Variants in CTRB2 observed in about 807,000 individuals in gnomAD.
CTRB2 encodes the protein chymotrypsin B2.
Under a neutral mutation model 19.3 loss-of-function variants are expected in CTRB2, and 9 were observed. That is an observed-to-expected ratio of 0.47 (90% CI 0.28 to 0.81). The LOEUF (loss-of-function observed/expected upper bound fraction) is 0.81. Ranked by LOEUF, CTRB2 falls within the 40% of genes least tolerant of loss-of-function variation. The pLI is 0.11. For missense variants in CTRB2, 210 were observed against 269.7 expected (o/e 0.78, Z 1.55); for synonymous variants, 98 against 117.3 (o/e 0.84, Z 1.06).
At position 75,206,209 on chromosome 16, in the gene CTRB2, G is replaced by A; in HGVS notation, c.53-16C>T. ...ACCCCGCAGCCTGGGGGCGGGAGTG[G>A]GCTGAGGGGTGGGTACCACCCACCC... On this transcript the variant is annotated splice_polypyrimidine_tract_variant and intron_variant, in intron 1 of 6. Transcript: ENST00000303037. The A allele has an allele frequency of 1.4e-5, 21 of 1,554,138 alleles. No homozygotes were observed. Among genetic ancestry groups the A allele is most frequent in the Non-Finnish European group, 1.8e-5 (21 of 1,148,154 alleles).
intron 1 of CTRB2, chr16:75,206,743 AACC>A (rs911199717): frequency 1.3e-5 from 5 of 394,386 alleles, no homozygotes; most frequent in Non-Finnish European, 2.4e-5. Context: ...TCACCACCCA[AACC>A]TGTGCTGGGG....
intron 6 of CTRB2, 115 bp from the exon 7 acceptor site, chr16:75,204,437 G>T: frequency 9.5e-7 from 1 of 1,054,442 alleles, no homozygotes; most frequent in Non-Finnish European, 1.4e-6. Context: ...TGGGCATAGG[G>T]GCTGTGCCGG....
chr16:75,206,801 C>T (rs561261888), intron 1 of CTRB2: 7 of 467,644 alleles, frequency 1.5e-5, no homozygotes, highest in Admixed American at 3.4e-5. Flanking sequence ...GGGCAGCCCC[C>T]GGACACCTGC....
chr16:75,204,469 A>G (rs1274150267), intron 6 of CTRB2, 147 bp from the exon 7 acceptor site: 4 of 937,656 alleles, frequency 4.3e-6, no homozygotes, highest in African/African-American at 3.3e-5. Flanking sequence ...CTGGGTTCAC[A>G]TGGCAGCCCC....
intron 6 of CTRB2, 60 bp from the exon 7 acceptor site, chr16:75,204,382 C>T (rs1234843956): frequency 1.9e-5 from 29 of 1,541,898 alleles, no homozygotes; most frequent in Non-Finnish European, 2.5e-5. Flanking sequence ...CTAGGGGACC[C>T]TGACCTGGTG....
At chr16:75,204,449 G>T (rs1567561453) in intron 6 of CTRB2, 127 bp from the exon 7 acceptor site, 1 of 1,011,722 alleles carries the variant, frequency 9.9e-7, no homozygotes, top group Non-Finnish European at 1.4e-6. Context: ...CTGTGCCGGG[G>T]TCCTGAGATC....
rs1046091092 is a variant in CTRB2 at position 75,204,481 on chromosome 16, A to C, written c.631-159T>G. Among the ~76,000 whole-genome samples, 3 of 151,744 alleles carry C rather than the reference A, an allele frequency of 2.0e-5. No individual in the cohort carries two copies. In the South Asian group the frequency reaches 6.3e-4, roughly 32 times the overall value. On this transcript the variant is annotated intron_variant, in intron 6 of 6. Transcript: ENST00000303037. The stretch of plus-strand genomic sequence containing the variant: ...GATCTGGGTTCACATGGCAGCCCCC[A>C]CTCTGCCATGCACTCTTGGAGGGAG...
chr16:75,206,246 C>T (rs2038890479), intron 1 of CTRB2, 53 bp from the exon 2 acceptor site: 42 of 1,499,618 alleles, frequency 2.8e-5, no homozygotes, highest in Non-Finnish European at 3.7e-5. Flanking sequence ...GGTCCTAATG[C>T]TCCAGCCTCC....
In CTRB2 at chr16:75,207,035, G is replaced by C. The variant is rs576980034; in HGVS notation, c.52+55C>G. 285 of 1,509,244 alleles carry C rather than the reference G, an allele frequency of 1.9e-4. 6 individuals are homozygous for C. In the South Asian group the frequency reaches 3.2e-3, roughly 17 times the overall value. 93.5% of individuals were successfully genotyped at this position (1,509,244 alleles called of 1,614,324 possible). ...GACCCTGCTGCCTCTTGCTGGCCTC[G>C]GGGCTGGGAGTGAGAGGAGAAAACC... On this transcript the variant is annotated intron_variant, in intron 1 of 6. Transcript: ENST00000303037.
rs375855808 is a variant in CTRB2, at chr16:75,206,946, G to A, written c.52+144C>T. 8.5e-4 allele frequency: 672 copies of A among 789,356 alleles called. 3 individuals are homozygous for A. Among genetic ancestry groups the A allele is most frequent in the Non-Finnish European group, 1.1e-3 (520 of 473,788 alleles). 48.9% of individuals were successfully genotyped at this position (789,356 alleles called of 1,614,324 possible). ...AGGCATTGACCTCTCAGCGCCCACG[G>A]CAGAGATGGAGCCGGTGACTCGCCC... On this transcript the variant is annotated intron_variant, in intron 1 of 6. Coordinates refer to ENST00000303037, the MANE Select transcript of CTRB2 (RefSeq NM_001025200.4).
At position 75,204,335 on chromosome 16, in the gene CTRB2, G is replaced by T. The variant is rs371932307; in HGVS notation, c.631-13C>A. 89 of 1,613,442 alleles carry T rather than the reference G, an allele frequency of 5.5e-5. 1 individual carries two copies. Among genetic ancestry groups the T allele is most frequent in the Non-Finnish European group, 6.4e-5 (76 of 1,179,818 alleles). Reference sequence around the variant, plus strand: ...CTCCAGAGTCACCCTGCAGGAAGGAGAGGAAGTATCTCTAGGCCTGAAAGG... The same window carrying T: ...CTCCAGAGTCACCCTGCAGGAAGGATAGGAAGTATCTCTAGGCCTGAAAGG... On this transcript the variant is annotated splice_polypyrimidine_tract_variant and intron_variant, in intron 6 of 6. Coordinates refer to ENST00000303037, the MANE Select transcript of CTRB2 (RefSeq NM_001025200.4).
At chr16:75,204,344 T>C (rs779258073) in intron 6 of CTRB2, 22 bp from the exon 7 acceptor site, 12 of 1,612,198 alleles carry the variant, frequency 7.4e-6, no homozygotes, top group Non-Finnish European at 1.0e-5. Context: ...AGAGGAAGTA[T>C]CTCTAGGCCT....
intron 1 of CTRB2, chr16:75,206,868 G>A: frequency 1.8e-6 from 1 of 552,080 alleles, no homozygotes; most frequent in Non-Finnish European, 3.3e-6. Context: ...TGAGGAAGGG[G>A]AGCGGGACTC....
Position 75,206,195 on chromosome 16 carries a change from T to G in CTRB2, c.53-2A>C. 6.4e-7 allele frequency: 1 copy of G among 1,558,234 alleles called. No homozygotes were observed. Among genetic ancestry groups the G allele is most frequent in the Non-Finnish European group, 8.7e-7 (1 of 1,150,616 alleles). On this transcript the variant is annotated splice_acceptor_variant, in intron 1 of 6. Transcript: ENST00000303037. LOFTEE classifies it high-confidence loss of function. ...GGTGGATGGCGGGGACCCCGCAGCC[T>G]GGGGGCGGGAGTGGGCTGAGGGGTG...
At chr16:75,206,336 C>T (rs1347385395) in intron 1 of CTRB2, 143 bp from the exon 2 acceptor site, 13 of 826,170 alleles carry the variant, frequency 1.6e-5, no homozygotes, top group South Asian at 3.6e-5. Flanking sequence ...GGCCCTGGCT[C>T]TCCTCTCCGC....
At position 75,204,922 on chromosome 16, in the gene CTRB2, A is replaced by G. The variant is rs1347697918; in HGVS notation, c.497-16T>C. The G allele has an allele frequency of 2.1e-6, 2 of 932,978 alleles. No homozygotes were observed. Among genetic ancestry groups the G allele is most frequent in the Admixed American group, 5.3e-5 (2 of 37,450 alleles). The allele number at this position is 932,978 out of a possible 1,614,324, so 57.8% of individuals were successfully genotyped here. The stretch of plus-strand genomic sequence containing the variant: ...GTCTTGTTGGCTGCAGGACAGGAGG[A>G]GGGTCAGGGCCCCTGGGCTCACTCA... On this transcript the variant is annotated splice_polypyrimidine_tract_variant and intron_variant, in intron 5 of 6. Transcript: ENST00000303037.
Position 75,205,983 on chromosome 16 carries a change from C to G in CTRB2, c.166G>C (p.Gly56Arg). The G allele has an allele frequency of 2.1e-6, 2 of 962,222 alleles. No individual in the cohort carries two copies. The highest frequency in any genetic ancestry group is 3.0e-6 in the Non-Finnish European group (2 of 664,504). The allele number at this position is 962,222 out of a possible 1,614,324, so 59.6% of individuals were successfully genotyped here. A position where few individuals can be genotyped will look rare whatever the true frequency, so the allele number is the denominator to read the frequency against. ...AGGGAGCCCCCGCAGAAGTGGAAGC[C>G]GGTTTTGTCCTGTGAGCAAGATGGG... The part of the protein sequence containing the change: ...PWQVSLQDKT[G>R]FHFCGGSLIS... Residue 56 changes from glycine (G) to arginine (R), a missense_variant, in exon 3 of 7, where the codon GGC (glycine) becomes CGC (arginine). Coordinates refer to ENST00000303037, the MANE Select transcript of CTRB2 (RefSeq NM_001025200.4).
Position 75,204,168 on chromosome 16 carries a change from G to C in CTRB2, c.785C>G (p.Ala262Gly). 1 of 1,614,156 alleles carries C rather than the reference G, an allele frequency of 6.2e-7. No individual in the cohort carries two copies. Among genetic ancestry groups the C allele is most frequent in the Non-Finnish European group, 8.5e-7 (1 of 1,180,016 alleles). Residue 262 changes from alanine (A) to glycine (G), a missense_variant, in exon 7 of 7, where the codon GCC becomes GGC. Transcript: ENST00000303037. ...GTGGCAGGAGCTGCGGGCTCAGTTG[G>C]CGGCCAGGATCTTCTGCACCCAGGG... ...LIPWVQKILA[A>G]N
Position 75,204,266 on chromosome 16 carries a change from G to A in CTRB2, c.687C>T (p.Gly229=), listed in dbSNP as rs1296066515. ...CQKDGAWTLV[G]IVSWGSRTCS... ...AGGTGCGGCTGCCCCAGGACACAAT[G>A]CCCACCAGGGTCCAGGCTCCGTCCT... Residue 229 remains glycine (G), a synonymous_variant, in exon 7 of 7, where the codon GGC becomes GGT. Coordinates refer to ENST00000303037, the MANE Select transcript of CTRB2 (RefSeq NM_001025200.4). 1 of 1,614,114 alleles carries A rather than the reference G, an allele frequency of 6.2e-7. No homozygotes were observed. Among genetic ancestry groups the A allele is most frequent in the Non-Finnish European group, 8.5e-7 (1 of 1,179,998 alleles).
Sources: gnomAD v4.1 joint callset for allele counts (sites outside exome capture counted in the v4.1 genomes callset) on GRCh38, gnomAD v4.1.1 for gene constraint, MANE v1.5 for transcripts, NCBI Gene and HGNC (gene_info 2026-07-23, HGNC 2026-07-21) for gene names.